Variants in PGM5 observed in about 807,000 individuals in gnomAD.
PGM5 encodes the protein phosphoglucomutase 5, also known as phosphoglucomutase-like protein 5.
In PGM5, 23 loss-of-function variants were observed where a neutral mutation model predicts 59.2. That is an observed-to-expected ratio of 0.39 (90% CI 0.28 to 0.55). The LOEUF (loss-of-function observed/expected upper bound fraction) is 0.55, where lower values mean the gene tolerates loss of function less well. Ranked by LOEUF, PGM5 falls within the 20% of genes least tolerant of loss-of-function variation. The pLI is 0.66. For missense variants in PGM5, 574 were observed against 748.3 expected, an observed-to-expected ratio of 0.77 and a Z score of 2.72; for synonymous variants, 214 against 286.0, an observed-to-expected ratio of 0.75 and a Z score of 2.54.
chr9:68,375,445 T>A (rs1821854516), intron 1 of PGM5, among the ~76,000 whole-genome samples: 1 of 152,240 alleles, frequency 6.6e-6, no homozygotes, highest in Non-Finnish European at 1.5e-5. Flanking sequence ...TTCTGTTGGC[T>A]TTAGCCTAGT....
intron 6 of PGM5, among the ~76,000 whole-genome samples, chr9:68,457,830 T>C (rs576783098): frequency 1.2e-4 from 18 of 152,020 alleles, no homozygotes; most frequent in Non-Finnish European, 2.2e-4. Context: ...CAGTAAGAGG[T>C]CTGTATAACT....
chr9:68,373,303 G>A (rs1554677315), intron 1 of PGM5, among the ~76,000 whole-genome samples: 3 of 151,182 alleles, frequency 2.0e-5, no homozygotes, highest in Non-Finnish European at 2.9e-5. Flanking sequence ...TCTTCTCTCT[G>A]GTATTGATGG....
At chr9:68,525,510 T>C (rs867536902) in intron 10 of PGM5, among the ~76,000 whole-genome samples, 8 of 152,308 alleles carry the variant, frequency 5.3e-5, no homozygotes, top group African/African-American at 1.9e-4. Context: ...GATATTGATG[T>C]TGCGAATCAA....
chr9:68,468,773 C>T (rs1463340108), intron 7 of PGM5, among the ~76,000 whole-genome samples: 2 of 152,110 alleles, frequency 1.3e-5, no homozygotes, highest in Non-Finnish European at 2.9e-5. Context: ...TTACATTTTG[C>T]CCTTATTATT....
At chr9:68,438,286 CAAAAAAAAAAAA>C (rs34047393) in intron 6 of PGM5, among the ~76,000 whole-genome samples, 17 of 34,830 alleles carry the variant, frequency 4.9e-4, no homozygotes, top group Non-Finnish European at 8.0e-4. Flanking sequence ...GAGACTCTGT[CAAAAAAAAAAAA>C]AAAAAAAAAA....
chr9:68,457,541 T>G (rs1554685016), intron 6 of PGM5, among the ~76,000 whole-genome samples: 1 of 152,240 alleles, frequency 6.6e-6, no homozygotes, highest in Non-Finnish European at 1.5e-5. Flanking sequence ...TGTATATTCA[T>G]TTAATGTCCA....
chr9:68,471,811 C>T (rs868965855), intron 7 of PGM5, among the ~76,000 whole-genome samples: 6 of 151,600 alleles, frequency 4.0e-5, no homozygotes, highest in South Asian at 2.1e-4. Context: ...CCCAGCTACT[C>T]GGGAGGTTGA....
At chr9:68,410,735 T>A (rs1285599035) in intron 6 of PGM5, among the ~76,000 whole-genome samples, 2 of 151,890 alleles carry the variant, frequency 1.3e-5, no homozygotes, top group African/African-American at 4.8e-5. Flanking sequence ...ACCTATGGAG[T>A]CATGATATAG....
At chr9:68,364,681 T>G (rs1368321605) in intron 1 of PGM5, among the ~76,000 whole-genome samples, 4 of 152,186 alleles carry the variant, frequency 2.6e-5, no homozygotes, top group African/African-American at 9.7e-5. Flanking sequence ...AGCAAATCTA[T>G]TATGTGAGCA....
intron 6 of PGM5, among the ~76,000 whole-genome samples, chr9:68,434,316 C>CAAAAAAAATAA (rs1823407495): frequency 1.1e-5 from 1 of 90,832 alleles, no homozygotes; most frequent in African/African-American, 4.0e-5. Context: ...GACTCCGTCT[C>CAAAAAAAATAA]AAAAAAAAAA....
intron 6 of PGM5, chr9:68,397,194 G>C (rs1264671221): frequency 1.3e-5 from 2 of 152,774 alleles, no homozygotes; most frequent in Non-Finnish European, 2.9e-5. Context: ...TGGTTCAAAT[G>C]ATTTCAGAAG....
chr9:68,468,889 G>A (rs1432052256), intron 7 of PGM5, among the ~76,000 whole-genome samples: 1 of 152,170 alleles, frequency 6.6e-6, no homozygotes, highest in Admixed American at 6.5e-5. Flanking sequence ...ATATCCTAAA[G>A]AGAAGTACAC....
At chr9:68,453,618 T>C (rs1443642382) in intron 6 of PGM5, among the ~76,000 whole-genome samples, 3 of 152,172 alleles carry the variant, frequency 2.0e-5, no homozygotes, top group East Asian at 1.9e-4. Flanking sequence ...ATTACAGGGG[T>C]GAACATGCTG....
At chr9:68,447,718 T>G (rs1823635913) in intron 6 of PGM5, among the ~76,000 whole-genome samples, 1 of 152,008 alleles carries the variant, frequency 6.6e-6, no homozygotes, top group Non-Finnish European at 1.5e-5. Flanking sequence ...TTATAAACAA[T>G]TTTTTATAGG....
At chr9:68,415,807 C>CTATCTATCTATCTATT (rs1823016714) in intron 6 of PGM5, among the ~76,000 whole-genome samples, 2 of 125,518 alleles carry the variant, frequency 1.6e-5, no homozygotes, top group Admixed American at 8.8e-5. Context: ...ATCTATCTAT[C>CTATCTATCTATCTATT]TATCTATCTT....
intron 10 of PGM5, among the ~76,000 whole-genome samples, chr9:68,529,079 A>G (rs1024417890): frequency 2.0e-5 from 3 of 151,886 alleles, no homozygotes; most frequent in African/African-American, 2.4e-5. Flanking sequence ...ACGTTGGCCA[A>G]TGAATTGGTC....
intron 10 of PGM5, among the ~76,000 whole-genome samples, chr9:68,520,054 C>T (rs1208024828): frequency 9.5e-5 from 14 of 147,730 alleles, no homozygotes; most frequent in East Asian, 5.9e-4. Flanking sequence ...CATACCACTG[C>T]GCTCCAGCTT....
chr9:68,448,156 T>C (rs1268348148), intron 6 of PGM5, among the ~76,000 whole-genome samples: 1 of 152,206 alleles, frequency 6.6e-6, no homozygotes, highest in African/African-American at 2.4e-5. Context: ...CTCACTTCCT[T>C]CTTTGAAATC....
Position 68,378,189 on chromosome 9 carries a change from G to T in PGM5, c.262-10G>T, listed in dbSNP as rs372002503. 77 of 1,494,084 alleles carry T rather than the reference G, an allele frequency of 5.2e-5. 3 individuals carry two copies. The African/African-American group carries it at 1.0e-3, about 20-fold the overall frequency. 92.6% of individuals were successfully genotyped at this position (1,494,084 alleles called of 1,614,324 possible). A position where few individuals can be genotyped will look rare whatever the true frequency, so the allele number is the denominator to read the frequency against. On this transcript the variant is annotated splice_polypyrimidine_tract_variant and intron_variant, in intron 1 of 10. Transcript: ENST00000396396. ...GGAACTGGATTGATTTTTTTTTTTG[G>T]ATGGTTTAGATTGGACGACTGATTA...
Sources: gnomAD v4.1 joint callset for allele counts (sites outside exome capture counted in the v4.1 genomes callset) on GRCh38, gnomAD v4.1.1 for gene constraint, MANE v1.5 for transcripts, NCBI Gene and HGNC (gene_info 2026-07-23, HGNC 2026-07-21) for gene names.